Variants in DDX60L observed in about 807,000 individuals in gnomAD.
DDX60L encodes DExD/H-box 60 like.
Under a neutral mutation model 211.6 loss-of-function variants are expected in DDX60L, and 191 were observed. The ratio of observed to expected loss-of-function variants is 0.90; its 90% CI spans 0.80 to 1.02. The LOEUF (loss-of-function observed/expected upper bound fraction) is 1.02. Ranked by LOEUF, DDX60L falls within the 50% of genes least tolerant of loss-of-function variation. DDX60L has a pLI of 0.00. For synonymous variants in DDX60L, 706 were observed against 694.1 expected, an observed-to-expected ratio of 1.02 and a Z score of -0.27; for missense variants, 2,007 against 1,984.1, an observed-to-expected ratio of 1.01 and a Z score of -0.22.
At position 168,423,783 on chromosome 4, in the gene DDX60L, A is replaced by G. The variant is rs1160192023; in HGVS notation, c.1931-9T>C. 1 of 1,544,174 alleles carries G rather than the reference A, an allele frequency of 6.5e-7. No individual in the cohort carries two copies. Among genetic ancestry groups the G allele is most frequent in the East Asian group, 2.3e-5 (1 of 43,374 alleles). ...ATCTTTCGAAATTTTGCCTTGTTAA[A>G]GAAACAATAAAATTGTTATAAAGAA... On this transcript the variant is annotated splice_polypyrimidine_tract_variant and intron_variant, in intron 14 of 37. Coordinates refer to ENST00000682922, the MANE Select transcript of DDX60L (RefSeq NM_001012967.3).
chr4:168,423,737 C>A lies in DDX60L; in HGVS notation c.1968G>T (p.Met656Ile). ...CCAGGAGTGAATGAATCCTTTTCAT[C>A]ATTTGAACAGCTATACTTAAATCTT... ...ISKDLSIAVQ[M>I]MKRIHSLLER... Residue 656 changes from methionine (M) to isoleucine (I), a missense_variant, in exon 15 of 38, where the codon ATG becomes ATT. Coordinates refer to ENST00000682922, the MANE Select transcript of DDX60L (RefSeq NM_001012967.3). 3.7e-6 allele frequency: 6 copies of A among 1,601,508 alleles called. No homozygotes were observed. Among genetic ancestry groups the A allele is most frequent in the Non-Finnish European group, 5.1e-6 (6 of 1,176,152 alleles).
intron 29 of DDX60L, chr4:168,390,619 CT>C: frequency 1.4e-6 from 1 of 723,552 alleles, no homozygotes; most frequent in Non-Finnish European, 2.0e-6. Context: ...TATTTCGAGA[CT>C]AGGCAAAGAT....
intron 29 of DDX60L, among the ~76,000 whole-genome samples, chr4:168,388,177 C>T (rs1057179414): frequency 2.0e-5 from 3 of 152,140 alleles, no homozygotes; most frequent in African/African-American, 4.8e-5. Flanking sequence ...AAAGAACAAG[C>T]GCAATCACAT....
intron 22 of DDX60L, among the ~76,000 whole-genome samples, chr4:168,414,006 C>T (rs777421122): frequency 1.3e-5 from 2 of 152,070 alleles, no homozygotes; most frequent in Non-Finnish European, 2.9e-5. Context: ...AAACAAATAA[C>T]ACAATGGTGC....
intron 14 of DDX60L, among the ~76,000 whole-genome samples, chr4:168,423,993 G>A (rs573438014): frequency 2.0e-5 from 3 of 152,220 alleles, no homozygotes; most frequent in South Asian, 2.1e-4. Context: ...AAGTAACTTA[G>A]ACATAGCTGG....
chr4:168,437,019 C>T (rs982750658), intron 10 of DDX60L, among the ~76,000 whole-genome samples: 12 of 152,100 alleles, frequency 7.9e-5, no homozygotes, highest in Admixed American at 7.2e-4. Context: ...TTAAGGGTTC[C>T]GTAGTACATC....
In DDX60L at chr4:168,441,468, G is replaced by A; in HGVS notation, c.1163C>T (p.Ser388Phe). Residue 388 changes from serine to phenylalanine, a missense_variant, in exon 10 of 38, where the codon TCC (serine) becomes TTC (phenylalanine). Coordinates refer to ENST00000682922, the MANE Select transcript of DDX60L (RefSeq NM_001012967.3). ...TQEPHLNLGD[S>F]IRRDYEDLWN... ...CAGGTCTTCATAATCCCTCCTAATG[G>A]AATCTCCCAAATTCAAATGTGGTTC... is the stretch of plus-strand genomic sequence containing the variant. 1 of 1,601,486 alleles carries A rather than the reference G, an allele frequency of 6.2e-7. No homozygotes were observed. Among genetic ancestry groups the A allele is most frequent in the Non-Finnish European group, 8.5e-7 (1 of 1,174,850 alleles).
chr4:168,441,402 C>G lies in DDX60L; in HGVS notation c.1229G>C (p.Gly410Ala). 6.2e-7 allele frequency: 1 copy of G among 1,613,056 alleles called. No homozygotes were observed. Among genetic ancestry groups the G allele is most frequent in the Non-Finnish European group, 8.5e-7 (1 of 1,179,478 alleles). ...TGTTGTTCTCAGAGGAAAAGACTTT[C>G]CAACGTTAAATTCTTTAACCAGGTG... Reference protein sequence around the residue: ...VSHLVKEFNVGKSFPLRTTRR... With the variant: ...VSHLVKEFNVAKSFPLRTTRR... The change falls in exon 10 of 38, where the codon GGA becomes GCA. Residue 410 changes from glycine (G) to alanine (A), a missense_variant. Gly to Ala is a moderately conservative substitution (Grantham distance 60, BLOSUM62 0). Transcript: ENST00000682922.
intron 13 of DDX60L, among the ~76,000 whole-genome samples, chr4:168,428,216 T>G (rs1579578330): frequency 6.6e-6 from 1 of 152,212 alleles, no homozygotes; most frequent in African/African-American, 2.4e-5. Flanking sequence ...GTTAGGTCTG[T>G]GGGCTGAGGT....
rs767168326 is a variant in DDX60L, at chr4:168,358,188, G to C, written c.5080C>G (p.Gln1694Glu). 6 of 1,606,756 alleles carry C rather than the reference G, an allele frequency of 3.7e-6. No individual in the cohort carries two copies. The highest frequency in any genetic ancestry group is 5.1e-6 in the Non-Finnish European group (6 of 1,176,862). Residue 1694 changes from glutamine to glutamate, a missense_variant, in exon 38 of 38, where the codon CAA becomes GAA. Coordinates refer to ENST00000682922, the MANE Select transcript of DDX60L (RefSeq NM_001012967.3). ...TGACTCATTTGAATTTGCATTTCTT[G>C]AAGTTTCTCATAAAAGGTTTGACTC... is the stretch of plus-strand genomic sequence containing the variant. The part of the protein sequence containing the change: ...QLSQTFYEKL[Q>E]EMQIQMSQNH...
At chr4:168,383,871 T>C (rs1743386433) in intron 30 of DDX60L, among the ~76,000 whole-genome samples, 1 of 152,200 alleles carries the variant, frequency 6.6e-6, no homozygotes, top group South Asian at 2.1e-4. Context: ...GTATTGATCC[T>C]AGGTGTGTCT....
At chr4:168,478,113 G>A (rs1759855370) in intron 1 of DDX60L, among the ~76,000 whole-genome samples, 1 of 151,576 alleles carries the variant, frequency 6.6e-6, no homozygotes, top group South Asian at 2.1e-4. Flanking sequence ...GGGAAAAGAG[G>A]AGAAGAAGGA....
chr4:168,449,180 T>C (rs928670777), intron 8 of DDX60L, among the ~76,000 whole-genome samples: 1 of 152,070 alleles, frequency 6.6e-6, no homozygotes, highest in Non-Finnish European at 1.5e-5. Context: ...ACTACACCCC[T>C]GGTGAGCAGG....
intron 9 of DDX60L, among the ~76,000 whole-genome samples, chr4:168,443,115 G>T (rs1323211462): frequency 6.6e-6 from 1 of 151,428 alleles, no homozygotes; most frequent in Non-Finnish European, 1.5e-5. Flanking sequence ...AGGCAAAGAA[G>T]TTGAAAACTT....
intron 21 of DDX60L, 68 bp downstream of exon 21, chr4:168,415,589 A>C: frequency 1.4e-6 from 2 of 1,428,882 alleles, no homozygotes; most frequent in Non-Finnish European, 1.9e-6. Context: ...AAAACACAAA[A>C]ATCCCTATAA....
chr4:168,382,577 CTTTCA>C (rs1743153660), intron 30 of DDX60L, among the ~76,000 whole-genome samples: 1 of 152,084 alleles, frequency 6.6e-6, no homozygotes. Flanking sequence ...TACATTCAAT[CTTTCA>C]TTTCACTTAT....
At chr4:168,368,486 G>C (rs1205196537) in intron 36 of DDX60L, among the ~76,000 whole-genome samples, 1 of 152,248 alleles carries the variant, frequency 6.6e-6, no homozygotes, top group African/African-American at 2.4e-5. Flanking sequence ...GGCCCCCATG[G>C]AGAACCTGTT....
At position 168,432,514 on chromosome 4, in the gene DDX60L, T is replaced by C; in HGVS notation, c.1457A>G (p.His486Arg). 1.3e-6 allele frequency: 2 copies of C among 1,587,496 alleles called. No individual in the cohort carries two copies. Among genetic ancestry groups the C allele is most frequent in the Non-Finnish European group, 1.7e-6 (2 of 1,164,676 alleles). Reference sequence around the variant, plus strand: ...ACTAAGGAGTCTTTGAGCATGCCAGTGCAAAAGTTCATCAGATGTCTTTTG... The same window carrying C: ...ACTAAGGAGTCTTTGAGCATGCCAGCGCAAAAGTTCATCAGATGTCTTTTG... ...FKQKTSDELLHWHAQRLLSDD... is the reference protein window; with the variant it reads ...FKQKTSDELLRWHAQRLLSDD... The change falls in exon 12 of 38, where the codon CAC (histidine) becomes CGC (arginine). Residue 486 changes from histidine (H) to arginine (R), a missense_variant. Transcript: ENST00000682922.
intron 21 of DDX60L, 61 bp downstream of exon 21, chr4:168,415,594 CTA>C: frequency 7.1e-7 from 1 of 1,415,728 alleles, no homozygotes; most frequent in Non-Finnish European, 9.5e-7. Context: ...ACAAAAATCC[CTA>C]TAAAAAGCTT....
Sources: gnomAD v4.1 joint callset for allele counts (sites outside exome capture counted in the v4.1 genomes callset) on GRCh38, gnomAD v4.1.1 for gene constraint, MANE v1.5 for transcripts, NCBI Gene and HGNC (gene_info 2026-07-23, HGNC 2026-07-21) for gene names.